Variants in MTUS2 observed in about 807,000 individuals in gnomAD.
MTUS2 encodes microtubule associated scaffold protein 2, also known as microtubule-associated tumor suppressor candidate 2.
A neutral mutation model predicts 114.1 loss-of-function variants in MTUS2; 40 were observed. The ratio of observed to expected loss-of-function variants is 0.35; its 90% CI spans 0.27 to 0.46. MTUS2 has a LOEUF of 0.46. Among genes scored for constraint, MTUS2 ranks in the 20% least tolerant of loss-of-function variants. The pLI, the probability that MTUS2 is intolerant of heterozygous loss-of-function variation, is 1.00. For missense variants in MTUS2, 1,679 were observed against 1,705.4 expected, an observed-to-expected ratio of 0.98 and a Z score of 0.27; for synonymous variants, 688 against 672.0, an observed-to-expected ratio of 1.02 and a Z score of -0.37.
intron 2 of MTUS2, among the ~76,000 whole-genome samples, chr13:28,923,812 T>C (rs980340373): frequency 2.0e-5 from 3 of 152,132 alleles, no homozygotes; most frequent in Admixed American, 6.5e-5. Flanking sequence ...TCCAGGCTGG[T>C]TACTTATTGT....
At chr13:29,258,090 G>A (rs746758152) in intron 5 of MTUS2, among the ~76,000 whole-genome samples, 2 of 152,218 alleles carry the variant, frequency 1.3e-5, no homozygotes, top group African/African-American at 2.4e-5. Context: ...CACCTATTGA[G>A]TAGCTCACAT....
intron 2 of MTUS2, among the ~76,000 whole-genome samples, chr13:28,955,477 A>C (rs1296691308): frequency 6.6e-6 from 1 of 152,128 alleles, no homozygotes; most frequent in Non-Finnish European, 1.5e-5. Context: ...CTCACTATAA[A>C]TAGCTTAATG....
At chr13:28,932,840 A>G (rs1881688484) in intron 2 of MTUS2, among the ~76,000 whole-genome samples, 1 of 152,212 alleles carries the variant, frequency 6.6e-6, no homozygotes, top group African/African-American at 2.4e-5. Context: ...GTTCTGTTCT[A>G]AGGCTTAAAA....
intron 2 of MTUS2, among the ~76,000 whole-genome samples, chr13:28,856,317 G>A (rs1048066287): frequency 1.3e-5 from 2 of 152,222 alleles, no homozygotes; most frequent in Non-Finnish European, 2.9e-5. Context: ...ACGGATGGCT[G>A]CATATGTAGG....
intron 5 of MTUS2, among the ~76,000 whole-genome samples, chr13:29,173,303 G>A (rs1255037971): frequency 6.6e-6 from 1 of 152,074 alleles, no homozygotes; most frequent in African/African-American, 2.4e-5. Flanking sequence ...TAAGTCATGA[G>A]GCCAAAAGTG....
chr13:29,085,611 A>G (rs1332115195), intron 4 of MTUS2, among the ~76,000 whole-genome samples: 1 of 152,208 alleles, frequency 6.6e-6, no homozygotes, highest in African/African-American at 2.4e-5. Flanking sequence ...TGCAAAGGAC[A>G]TGATCTTGTT....
intron 8 of MTUS2, among the ~76,000 whole-genome samples, chr13:29,430,424 C>G (rs1407088307): frequency 6.6e-6 from 1 of 152,154 alleles, no homozygotes; most frequent in Non-Finnish European, 1.5e-5. Flanking sequence ...TTTAATGTTA[C>G]TTCATCTCTT....
chr13:29,093,764 C>T (rs1167587407), intron 4 of MTUS2, among the ~76,000 whole-genome samples: 2 of 152,098 alleles, frequency 1.3e-5, no homozygotes, highest in African/African-American at 4.8e-5. Flanking sequence ...TGCCTAATTT[C>T]TCTGGCTAGC....
chr13:28,850,590 G>T (rs1027504273), intron 2 of MTUS2, among the ~76,000 whole-genome samples: 3 of 152,156 alleles, frequency 2.0e-5, no homozygotes, highest in African/African-American at 7.2e-5. Flanking sequence ...TTGCCCAGAG[G>T]GTATGCTTAA....
intron 4 of MTUS2, among the ~76,000 whole-genome samples, chr13:29,079,893 A>G (rs183924368): frequency 2.6e-5 from 4 of 152,240 alleles, no homozygotes; most frequent in African/African-American, 7.2e-5. Flanking sequence ...TTGAATTTCT[A>G]TATGAATTTT....
chr13:29,391,176 A>G (rs1873430265), intron 8 of MTUS2, among the ~76,000 whole-genome samples: 1 of 151,996 alleles, frequency 6.6e-6, no homozygotes, highest in African/African-American at 2.4e-5. Flanking sequence ...TGCAACTTCC[A>G]TGTCCCGGGT....
chr13:29,050,357 A>T (rs1175292522), intron 4 of MTUS2, among the ~76,000 whole-genome samples: 2 of 152,034 alleles, frequency 1.3e-5, no homozygotes, highest in Non-Finnish European at 1.5e-5. Flanking sequence ...GACATTTAAG[A>T]AGCTTATTCC....
At chr13:28,947,489 A>G (rs1409242296) in intron 2 of MTUS2, among the ~76,000 whole-genome samples, 1 of 152,198 alleles carries the variant, frequency 6.6e-6, no homozygotes, top group Non-Finnish European at 1.5e-5. Flanking sequence ...TGACATATTC[A>G]TTTACACGGG....
chr13:29,251,947 A>G (rs1172828322), intron 5 of MTUS2, among the ~76,000 whole-genome samples: 1 of 152,142 alleles, frequency 6.6e-6, no homozygotes. Context: ...TTGAGTATAT[A>G]CCTAGGACTG....
intron 5 of MTUS2, among the ~76,000 whole-genome samples, chr13:29,175,817 C>A (rs963819540): frequency 6.6e-6 from 1 of 150,926 alleles, no homozygotes; most frequent in Admixed American, 6.6e-5. Context: ...TTGCTTATAT[C>A]CTGTTGTGGC....
intron 5 of MTUS2, among the ~76,000 whole-genome samples, chr13:29,155,564 T>A (rs1432274408): frequency 6.6e-6 from 1 of 152,082 alleles, no homozygotes; most frequent in Non-Finnish European, 1.5e-5. Context: ...AGGCTCAGGA[T>A]GGATATGCTC....
At chr13:29,359,116 T>C (rs1205547050) in intron 7 of MTUS2, 146 bp from the exon 8 acceptor site, 4 of 795,046 alleles carry the variant, frequency 5.0e-6, no homozygotes, top group Non-Finnish European at 7.9e-6. Flanking sequence ...CCTGACTGTT[T>C]TTTCTTTTCA....
chr13:28,867,132 T>C (rs903596166), intron 2 of MTUS2, among the ~76,000 whole-genome samples: 5 of 152,230 alleles, frequency 3.3e-5, no homozygotes, highest in Admixed American at 2.6e-4. Context: ...GAATGTAAGC[T>C]GGTCTAATCT....
intron 13 of MTUS2, 41 bp from the exon 14 acceptor site, chr13:29,498,377 G>A (rs761585575): frequency 1.6e-5 from 26 of 1,610,892 alleles, no homozygotes; most frequent in South Asian, 5.5e-5. Flanking sequence ...GGGTTTTGCC[G>A]GGAATCCTGG....
Sources: allele counts gnomAD v4.1 joint callset (sites outside exome capture counted in the v4.1 genomes callset), GRCh38; gene constraint gnomAD v4.1.1; transcripts MANE v1.5; gene names NCBI Gene and HGNC (gene_info 2026-07-23, HGNC 2026-07-21).